The following GRXCR1 variants were observed in gnomAD, a reference collection of about 807,000 sequenced individuals.
GRXCR1 encodes the protein glutaredoxin domain-containing cysteine-rich protein 1.
Under a neutral mutation model 27.3 loss-of-function variants are expected in GRXCR1, and 27 were observed. The observed-to-expected ratio is 0.99, with a 90% CI of 0.73 to 1.37. GRXCR1 has a LOEUF of 1.37. Ranked by LOEUF, GRXCR1 falls within the 40% of genes most tolerant of loss-of-function variation. The pLI, the probability that GRXCR1 is intolerant of heterozygous loss-of-function variation, is 0.00. For synonymous variants in GRXCR1, 122 were observed against 131.1 expected, an observed-to-expected ratio of 0.93 and a Z score of 0.47; for missense variants, 379 against 354.4, an observed-to-expected ratio of 1.07 and a Z score of -0.56.
intron 3 of GRXCR1, among the ~76,000 whole-genome samples, chr4:43,029,193 C>A (rs1034671058): frequency 1.3e-5 from 2 of 152,082 alleles, no homozygotes; most frequent in African/African-American, 2.4e-5. Context: ...TGTGCTGAAG[C>A]AATCATGGGT....
intron 1 of GRXCR1, among the ~76,000 whole-genome samples, chr4:42,922,984 C>T (rs1484079934): frequency 6.6e-6 from 1 of 152,098 alleles, no homozygotes; most frequent in African/African-American, 2.4e-5. Flanking sequence ...TTTCCTTGGT[C>T]AAAATAGTCA....
chr4:42,987,240 TAATATATAA>T (rs1210669482), intron 2 of GRXCR1, among the ~76,000 whole-genome samples: 12 of 63,100 alleles, frequency 1.9e-4, no homozygotes, highest in African/African-American at 2.6e-4. Context: ...TATATATATA[TAATATATAA>T]TATATATATA....
Position 43,006,872 on chromosome 4 carries a change from C to T in GRXCR1, c.628-13482C>T, listed in dbSNP as rs569171145. ...ACGTACTGACATGTGATGTCTCCCC[C>T]GGACACCCAGCTTTAAAATTTCTCT... is the stretch of plus-strand genomic sequence containing the variant. On this transcript the variant is annotated intron_variant, in intron 2 of 3. Transcript: ENST00000399770. Among the ~76,000 whole-genome samples, 271 of 152,290 alleles carry T rather than the reference C, an allele frequency of 1.8e-3. 3 individuals are homozygous for T. The highest frequency in any genetic ancestry group is 4.5e-3 in the African/African-American group (188 of 41,586).
chr4:42,918,498 C>A (rs1272898276), intron 1 of GRXCR1, among the ~76,000 whole-genome samples: 1 of 152,012 alleles, frequency 6.6e-6, no homozygotes, highest in African/African-American at 2.4e-5. Context: ...TGTGAACATC[C>A]ACTTCTGCTG....
At chr4:42,894,054 A>G (rs1746295337) in intron 1 of GRXCR1, among the ~76,000 whole-genome samples, 1 of 152,192 alleles carries the variant, frequency 6.6e-6, no homozygotes, top group Admixed American at 6.5e-5. Flanking sequence ...TATTTACACC[A>G]GAAAATGTTG....
chr4:42,982,323 G>A (rs1748695289), intron 2 of GRXCR1, among the ~76,000 whole-genome samples: 1 of 140,830 alleles, frequency 7.1e-6, no homozygotes, highest in Non-Finnish European at 1.5e-5. Flanking sequence ...TTTTGTTCTT[G>A]CGATAGTTTA....
intron 2 of GRXCR1, among the ~76,000 whole-genome samples, chr4:42,972,994 C>T (rs1748424225): frequency 6.6e-6 from 1 of 152,008 alleles, no homozygotes; most frequent in South Asian, 2.1e-4. Flanking sequence ...CCCTATTGAA[C>T]TTTCTCATCA....
intron 2 of GRXCR1, among the ~76,000 whole-genome samples, chr4:43,018,760 A>G (rs1713008762): frequency 6.6e-6 from 1 of 152,178 alleles, no homozygotes; most frequent in South Asian, 2.1e-4. Context: ...TAACTTAGCT[A>G]TCTCTTAAAA....
chr4:42,939,730 T>C (rs1188329794), intron 1 of GRXCR1, among the ~76,000 whole-genome samples: 2 of 152,066 alleles, frequency 1.3e-5, no homozygotes, highest in Non-Finnish European at 2.9e-5. Flanking sequence ...GTCCAGATAG[T>C]ATGGTGGCAA....
chr4:42,964,512 C>T (rs1254931501), intron 2 of GRXCR1, among the ~76,000 whole-genome samples: 1 of 152,020 alleles, frequency 6.6e-6, no homozygotes, highest in Non-Finnish European at 1.5e-5. Flanking sequence ...ATATTAAGCA[C>T]TTGGTTCCTG....
intron 2 of GRXCR1, among the ~76,000 whole-genome samples, chr4:43,011,670 C>G (rs1166811921): frequency 2.6e-5 from 4 of 152,050 alleles, no homozygotes; most frequent in Non-Finnish European, 5.9e-5. Flanking sequence ...AAAAGATAAA[C>G]CGGGTTATCA....
chr4:42,964,752 G>A (rs541051139), intron 2 of GRXCR1, among the ~76,000 whole-genome samples: 1 of 152,098 alleles, frequency 6.6e-6, no homozygotes, highest in South Asian at 2.1e-4. Flanking sequence ...AGGTCTTAAT[G>A]CAAAGTAAGT....
intron 2 of GRXCR1, among the ~76,000 whole-genome samples, chr4:43,013,028 C>T (rs775884681): frequency 6.6e-5 from 10 of 152,060 alleles, no homozygotes; most frequent in South Asian, 4.1e-4. Context: ...AAATAACAGA[C>T]GCTAGTGAGG....
chr4:42,937,439 G>C (rs1183215267), intron 1 of GRXCR1, among the ~76,000 whole-genome samples: 1 of 151,862 alleles, frequency 6.6e-6, no homozygotes, highest in Non-Finnish European at 1.5e-5. Flanking sequence ...GGAGCCAAGA[G>C]AGCTAAGTGT....
chr4:42,967,618 T>G (rs969524663), intron 2 of GRXCR1, among the ~76,000 whole-genome samples: 3 of 152,116 alleles, frequency 2.0e-5, no homozygotes, highest in African/African-American at 7.2e-5. Flanking sequence ...TTTTTAGTCA[T>G]GTTTTTCTAT....
chr4:42,954,585 A>T (rs1747955957), intron 1 of GRXCR1, among the ~76,000 whole-genome samples: 1 of 152,130 alleles, frequency 6.6e-6, no homozygotes, highest in African/African-American at 2.4e-5. Context: ...ATAAATGAAA[A>T]GTGCATATGT....
chr4:43,022,143 G>C (rs1341474018), intron 3 of GRXCR1, among the ~76,000 whole-genome samples: 1 of 152,104 alleles, frequency 6.6e-6, no homozygotes, highest in Non-Finnish European at 1.5e-5. Context: ...TTTGGTTTAT[G>C]TGTATTATTC....
chr4:42,952,900 G>A (rs1211500712), intron 1 of GRXCR1, among the ~76,000 whole-genome samples: 1 of 152,222 alleles, frequency 6.6e-6, no homozygotes, highest in South Asian at 2.1e-4. Context: ...TCCTATTCAA[G>A]CCATTGAATC....
chr4:42,936,235 C>A (rs979198340), intron 1 of GRXCR1, among the ~76,000 whole-genome samples: 2 of 151,758 alleles, frequency 1.3e-5, no homozygotes, highest in African/African-American at 4.8e-5. Context: ...TTACTGTAGA[C>A]CAAAATTTGC....
Sources: gnomAD v4.1 joint callset for allele counts (sites outside exome capture counted in the v4.1 genomes callset) on GRCh38, gnomAD v4.1.1 for gene constraint, MANE v1.5 for transcripts, NCBI Gene and HGNC (gene_info 2026-07-23, HGNC 2026-07-21) for gene names.